ZNF365: variants seen among roughly 807,000 people sequenced by gnomAD.
ZNF365 encodes the protein zinc finger protein 365, also known as protein ZNF365.
ZNF365 carries 22 observed loss-of-function variants against 35.0 expected under a neutral mutation model. That is an observed-to-expected ratio of 0.63 (90% CI 0.45 to 0.90). ZNF365 has a LOEUF of 0.90. Ranked by LOEUF, ZNF365 falls within the 40% of genes least tolerant of loss-of-function variation. ZNF365 has a pLI of 0.00. For missense variants in ZNF365, 448 were observed against 500.3 expected (o/e 0.90, Z 1.00); for synonymous variants, 188 against 196.2 (o/e 0.96, Z 0.35).
At chr10:62,472,897 A>G (rs1841066162) in intron 4 of ZNF365, among the ~76,000 whole-genome samples, 1 of 152,214 alleles carries the variant, frequency 6.6e-6, no homozygotes, top group African/African-American at 2.4e-5. Context: ...GCACAAAAAC[A>G]GACTTAGGGT....
intron 4 of ZNF365, chr10:62,459,909 T>G (rs1375189301): frequency 1.0e-5 from 9 of 883,646 alleles, no homozygotes; most frequent in Non-Finnish European, 1.6e-5. Flanking sequence ...GGTTTCTGTA[T>G]GAAAACACAC....
chr10:62,466,002 T>C (rs1840937143), intron 4 of ZNF365, among the ~76,000 whole-genome samples: 2 of 152,130 alleles, frequency 1.3e-5, no homozygotes, highest in Admixed American at 1.3e-4. Context: ...GACAGGCCAG[T>C]CCAAGAGCTG....
At chr10:62,445,489 G>A (rs12766269) in intron 3 of ZNF365, among the ~76,000 whole-genome samples, 4,122 of 152,288 alleles carry the variant, frequency 0.027, 67 homozygotes, top group Non-Finnish European at 0.04. Context: ...CCAGTTCTAA[G>A]AGCAGGGGTG....
Position 62,438,307 on chromosome 10 carries a change from G to C in ZNF365, c.925-21434G>C, listed in dbSNP as rs568166528. 7.4e-4 allele frequency among the ~76,000 whole-genome samples: 112 copies of C among 151,802 alleles called. 1 individual carries two copies. Among genetic ancestry groups the C allele is most frequent in the Middle Eastern group, 3.4e-3 (1 of 294 alleles). The stretch of plus-strand genomic sequence containing the variant: ...AGGCTCAAGCGATTCTCGTGCCTCA[G>C]CCTCCCTGGTAGCTGGGATTACAGG... On this transcript the variant is annotated intron_variant, in intron 3 of 4. Coordinates refer to the ZNF365 transcript ENST00000395255.
At chr10:62,379,626 C>T (rs1044907129) in intron 2 of ZNF365, among the ~76,000 whole-genome samples, 6 of 152,032 alleles carry the variant, frequency 3.9e-5, no homozygotes, top group African/African-American at 1.5e-4. Flanking sequence ...GTGTCTGCAG[C>T]GTCTGGCCTC....
rs1839829771 is a variant in ZNF365, at chr10:62,401,554, G to A, written c.*1765G>A. The A allele has an allele frequency of 1.0e-6, 1 of 985,122 alleles. No homozygotes were observed. Among genetic ancestry groups the A allele is most frequent in the Non-Finnish European group, 1.2e-6 (1 of 829,602 alleles). The allele number at this position is 985,122 out of a possible 1,614,324, so 61.0% of individuals were successfully genotyped here. A position where few individuals can be genotyped will look rare whatever the true frequency, so the allele number is the denominator to read the frequency against. ...GTGGGCAAAAACATTGCTGTGAATA[G>A]CACTGTTTAGGCTAACATTGTAAAA... On this transcript the variant is annotated 3_prime_UTR_variant, in exon 5 of 5. Coordinates refer to ENST00000395254, the MANE Select transcript of ZNF365 (RefSeq NM_014951.3).
chr10:62,376,063 A>AT, intron 1 of ZNF365, 118 bp from the exon 2 acceptor site: 1 of 1,096,666 alleles, frequency 9.1e-7, no homozygotes, highest in South Asian at 1.6e-5. Flanking sequence ...AACATAAAAT[A>AT]TTATGTGCAA....
intron 4 of ZNF365, among the ~76,000 whole-genome samples, chr10:62,466,828 G>T (rs576945132): frequency 6.6e-6 from 1 of 152,032 alleles, no homozygotes; most frequent in African/African-American, 2.4e-5. Context: ...TTGGGACAGG[G>T]TCTCACTCTG....
At chr10:62,451,403 G>A (rs879745958) in intron 3 of ZNF365, among the ~76,000 whole-genome samples, 6 of 151,968 alleles carry the variant, frequency 3.9e-5, no homozygotes, top group South Asian at 2.1e-4. Flanking sequence ...GCTTGGCAGC[G>A]ACAAAAAGCT....
At chr10:62,453,465 CTTTT>C (rs1840715456) in intron 3 of ZNF365, among the ~76,000 whole-genome samples, 4 of 152,316 alleles carry the variant, frequency 2.6e-5, no homozygotes, top group Middle Eastern at 6.8e-3. Context: ...TGATGTCATT[CTTTT>C]TAATTGCTGC....
At chr10:62,428,432 T>C (rs1840282775) in intron 3 of ZNF365, among the ~76,000 whole-genome samples, 1 of 152,196 alleles carries the variant, frequency 6.6e-6, no homozygotes, top group Non-Finnish European at 1.5e-5. Context: ...CTGATGGTTT[T>C]ATAAGGGGCC....
At chr10:62,392,840 C>T (rs981004071) in intron 3 of ZNF365, among the ~76,000 whole-genome samples, 1 of 152,106 alleles carries the variant, frequency 6.6e-6, no homozygotes, top group Non-Finnish European at 1.5e-5. Context: ...CCACATTGAC[C>T]AGGCGGGTCT....
chr10:62,386,432 A>G (rs1839527677), intron 2 of ZNF365, among the ~76,000 whole-genome samples: 1 of 152,216 alleles, frequency 6.6e-6, no homozygotes, highest in Non-Finnish European at 1.5e-5. Context: ...TGGAATTATT[A>G]TGGAATTAGG....
intron 2 of ZNF365, among the ~76,000 whole-genome samples, chr10:62,384,078 C>G (rs1227407443): frequency 6.7e-6 from 1 of 150,192 alleles, no homozygotes; most frequent in East Asian, 2.0e-4. Context: ...CTACTGAAGC[C>G]TAAAACCTCT....
chr10:62,445,676 G>T (rs1840575261), intron 3 of ZNF365, among the ~76,000 whole-genome samples: 1 of 152,170 alleles, frequency 6.6e-6, no homozygotes, highest in African/African-American at 2.4e-5. Context: ...TTAGGTGCTG[G>T]ATACGTGGGA....
downstream of ZNF365, chr10:62,402,460 A>G (rs1361833917): frequency 2.0e-6 from 2 of 985,056 alleles, no homozygotes; most frequent in Non-Finnish European, 2.4e-6. Context: ...ATGTGTTGAT[A>G]TGTTTTGTCT....
rs191823103 is a variant in ZNF365 at position 62,463,750 on chromosome 10, C to T, written c.981+3953C>T. Among the ~76,000 whole-genome samples, 13 of 152,312 alleles carry T rather than the reference C, an allele frequency of 8.5e-5. No individual in the cohort carries two copies. The East Asian group carries it at 1.5e-3, about 18-fold the overall frequency. On this transcript the variant is annotated intron_variant, in intron 4 of 4. Coordinates refer to the ZNF365 transcript ENST00000395255. ...AAAATGCAGGAACACTTGCTCAATC[C>T]ATCTTTCTAGGAATAAAGAAGAGAA...
At chr10:62,404,013 T>C (rs542209188), downstream of ZNF365, among the ~76,000 whole-genome samples, 7 of 152,338 alleles carry the variant, frequency 4.6e-5, no homozygotes, top group African/African-American at 1.4e-4. Context: ...TGTTCCTTTT[T>C]TTTGTTCATG....
chr10:62,392,979 T>A (rs1396130733), intron 3 of ZNF365, among the ~76,000 whole-genome samples: 2 of 152,182 alleles, frequency 1.3e-5, no homozygotes, highest in Non-Finnish European at 2.9e-5. Context: ...ATTCTCTTCA[T>A]GTGCTTTATT....
Sources: gnomAD v4.1 joint callset for allele counts (sites outside exome capture counted in the v4.1 genomes callset) on GRCh38, gnomAD v4.1.1 for gene constraint, MANE v1.5 for transcripts, NCBI Gene and HGNC (gene_info 2026-07-23, HGNC 2026-07-21) for gene names.